VWA8: variants seen among roughly 807,000 people sequenced by gnomAD.
VWA8 encodes von Willebrand factor A domain containing 8.
VWA8 carries 221 observed loss-of-function variants against 241.5 expected under a neutral mutation model. The observed-to-expected ratio is 0.91, with a 90% CI of 0.82 to 1.02. The LOEUF (loss-of-function observed/expected upper bound fraction) is 1.02, where lower values mean the gene tolerates loss of function less well. VWA8 is among the 50% of genes least tolerant of loss of function. VWA8 has a pLI of 0.00. For missense variants in VWA8, 2,322 were observed against 2,328.7 expected (o/e 1.00, Z 0.06); for synonymous variants, 852 against 827.1 (o/e 1.03, Z -0.52).
Position 41,891,527 on chromosome 13 carries a change from C to A in VWA8, c.544G>T (p.Glu182Ter), listed in dbSNP as rs778695726. Residue 182 changes from glutamate to a stop codon, truncating the protein, a stop_gained, in exon 5 of 45, where the codon GAG becomes TAG. Transcript: ENST00000379310. LOFTEE classifies it high-confidence loss of function. ...TTCAAAACAGGCAAAACATTCCTCT[C>A]TGCCTTTTCCAAACCTTCCAAAATG... ...TLILEGLEKA[E>*]RNVLPVLNNL... 2 of 1,614,222 alleles carry A rather than the reference C, an allele frequency of 1.2e-6. No individual in the cohort carries two copies. Among genetic ancestry groups the A allele is most frequent in the East Asian group, 4.5e-5 (2 of 44,880 alleles).
intron 39 of VWA8, among the ~76,000 whole-genome samples, chr13:41,607,645 G>A (rs565582988): frequency 2.4e-4 from 37 of 152,216 alleles, no homozygotes; most frequent in Admixed American, 1.9e-3. Flanking sequence ...TGTGGGGTGG[G>A]GAGGGGATGG....
intron 4 of VWA8, among the ~76,000 whole-genome samples, chr13:41,896,286 G>T (rs914252685): frequency 3.9e-5 from 6 of 151,952 alleles, no homozygotes; most frequent in African/African-American, 1.2e-4. Flanking sequence ...TAAAATATAA[G>T]AAAAGTACAC....
intron 21 of VWA8, among the ~76,000 whole-genome samples, chr13:41,732,678 A>T (rs141662246): frequency 6.6e-6 from 1 of 152,286 alleles, no homozygotes; most frequent in African/African-American, 2.4e-5. Context: ...CTCAAGAATT[A>T]CTTTATGGGA....
intron 20 of VWA8, among the ~76,000 whole-genome samples, chr13:41,765,352 G>A (rs1009009004): frequency 5.3e-5 from 8 of 152,136 alleles, no homozygotes; most frequent in Admixed American, 2.6e-4. Context: ...CCCACCTCCA[G>A]ATTTACAAGA....
At chr13:41,662,530 T>TTTG (rs2044957401) in intron 37 of VWA8, among the ~76,000 whole-genome samples, 1 of 151,314 alleles carries the variant, frequency 6.6e-6, no homozygotes, top group African/African-American at 2.4e-5. Flanking sequence ...CTTTTGCTTG[T>TTTG]TTGTTTTGTC....
At chr13:41,900,754 T>C (rs529243045) in intron 4 of VWA8, among the ~76,000 whole-genome samples, 1 of 152,352 alleles carries the variant, frequency 6.6e-6, no homozygotes, top group East Asian at 1.9e-4. Context: ...AGTCATTATT[T>C]AATAAAAATA....
At chr13:41,652,096 T>C (rs541575303) in intron 37 of VWA8, among the ~76,000 whole-genome samples, 1 of 152,334 alleles carries the variant, frequency 6.6e-6, no homozygotes, top group East Asian at 1.9e-4. Flanking sequence ...AGCTAGGTAG[T>C]GACTGCCTTC....
chr13:41,865,715 A>G, intron 12 of VWA8, 21 bp downstream of exon 12: 2 of 1,612,108 alleles, frequency 1.2e-6, no homozygotes, highest in Non-Finnish European at 1.7e-6. Context: ...GTCCAAGTGC[A>G]GCTAAAAATG....
intron 16 of VWA8, among the ~76,000 whole-genome samples, chr13:41,815,684 T>C (rs1487387303): frequency 6.6e-6 from 1 of 152,208 alleles, no homozygotes; most frequent in African/African-American, 2.4e-5. Context: ...CAGACTTTTG[T>C]TGTCCAGACA....
At chr13:41,813,462 TA>T (rs1330689367) in intron 16 of VWA8, among the ~76,000 whole-genome samples, 2 of 152,146 alleles carry the variant, frequency 1.3e-5, no homozygotes, top group African/African-American at 4.8e-5. Flanking sequence ...TTCCCATTTT[TA>T]ATACCTAGGA....
At chr13:41,857,316 AT>A (rs1385259941) in intron 12 of VWA8, among the ~76,000 whole-genome samples, 15 of 152,332 alleles carry the variant, frequency 9.8e-5, no homozygotes, top group African/African-American at 3.4e-4. Context: ...AGTTACAATG[AT>A]GACTTACAAT....
At position 41,783,740 on chromosome 13, in the gene VWA8, A is replaced by C. The variant is rs879108905; in HGVS notation, c.2277+55T>G. 5.0e-5 allele frequency: 59 copies of C among 1,176,782 alleles called. 2 individuals are homozygous for C. In the South Asian group the frequency reaches 7.6e-4, roughly 15 times the overall value. The allele number at this position is 1,176,782 out of a possible 1,614,324, so 72.9% of individuals were successfully genotyped here. ...TACATGTCAATTTCACTTGAATTGG[A>C]GTGTACTACCACAATTTAAGTGATT... On this transcript the variant is annotated intron_variant, in intron 19 of 44. Transcript: ENST00000379310.
At chr13:41,783,977 C>A in intron 18 of VWA8, 76 bp from the exon 19 acceptor site, 1 of 999,644 alleles carries the variant, frequency 1.0e-6, no homozygotes, top group South Asian at 1.4e-5. Flanking sequence ...ACACAGAATG[C>A]AATACAGCTT....
chr13:41,664,112 G>C (rs2044970663), intron 37 of VWA8, among the ~76,000 whole-genome samples: 1 of 151,920 alleles, frequency 6.6e-6, no homozygotes, highest in Non-Finnish European at 1.5e-5. Context: ...TCATGCAGTA[G>C]CTTCTTGAGA....
intron 39 of VWA8, among the ~76,000 whole-genome samples, chr13:41,606,202 C>T (rs1354564638): frequency 6.6e-6 from 1 of 152,138 alleles, no homozygotes; most frequent in African/African-American, 2.4e-5. Context: ...GTCTCCCCAA[C>T]TAGGCTCTAT....
At chr13:41,856,229 G>A (rs1021780946) in intron 12 of VWA8, among the ~76,000 whole-genome samples, 2 of 152,118 alleles carry the variant, frequency 1.3e-5, no homozygotes, top group Admixed American at 6.5e-5. Flanking sequence ...CCAGCTACTC[G>A]GATGGCTAAG....
rs1364414554 is a variant in VWA8, at chr13:41,567,082, G to T, written c.*1115C>A. 6.6e-6 allele frequency: 1 copy of T among 152,110 alleles called. No individual in the cohort carries two copies. Among genetic ancestry groups the T allele is most frequent in the Non-Finnish European group, 1.5e-5 (1 of 68,016 alleles). 9.4% of individuals were successfully genotyped at this position (152,110 alleles called of 1,614,324 possible). Reference sequence around the variant, plus strand: ...TGATTTTGCTATCAATCGTGAAGAGGAGTTTTTAAATTATATGGTTAAAGA... The same window carrying T: ...TGATTTTGCTATCAATCGTGAAGAGTAGTTTTTAAATTATATGGTTAAAGA... On this transcript the variant is annotated 3_prime_UTR_variant, in exon 45 of 45. Coordinates refer to ENST00000379310, the MANE Select transcript of VWA8 (RefSeq NM_015058.2).
intron 21 of VWA8, among the ~76,000 whole-genome samples, chr13:41,754,170 A>G (rs114310594): frequency 0.01 from 1,554 of 152,172 alleles, 29 homozygotes; most frequent in African/African-American, 0.036. Flanking sequence ...ACCCATCCAA[A>G]TCTCATCTTG....
chr13:41,718,270 T>A (rs1333222143), intron 26 of VWA8, among the ~76,000 whole-genome samples: 2 of 151,950 alleles, frequency 1.3e-5, no homozygotes, highest in African/African-American at 2.4e-5. Flanking sequence ...AGTAAATAAC[T>A]TAAGTTTGCA....
Sources: gnomAD v4.1 joint callset for allele counts (sites outside exome capture counted in the v4.1 genomes callset) on GRCh38, gnomAD v4.1.1 for gene constraint, MANE v1.5 for transcripts, NCBI Gene and HGNC (gene_info 2026-07-23, HGNC 2026-07-21) for gene names.